The following HORMAD2 variants were observed in gnomAD, a reference collection of about 807,000 sequenced individuals.
HORMAD2 encodes the protein HORMA domain containing 2, also known as HORMA domain-containing protein 2.
HORMAD2 carries 45 observed loss-of-function variants against 38.8 expected under a neutral mutation model. The observed-to-expected ratio is 1.16, with a 90% CI of 0.91 to 1.49. HORMAD2 has a LOEUF of 1.49. Among genes scored for constraint, HORMAD2 ranks in the 40% most tolerant of loss-of-function variants. The pLI, the probability that HORMAD2 is intolerant of heterozygous loss-of-function variation, is 0.00. For synonymous variants in HORMAD2, 126 were observed against 122.8 expected (o/e 1.03, Z -0.17); for missense variants, 338 against 367.0 (o/e 0.92, Z 0.65).
chr22:30,207,017 C>T, the HORMAD2 span: 3 of 468,368 alleles, frequency 6.4e-6, no homozygotes, highest in African/African-American at 4.0e-5. Context: ...CCAGCAGCCT[C>T]CACCCGTCCC....
At chr22:30,092,343 TG>T (rs954850623) in intron 1 of HORMAD2, among the ~76,000 whole-genome samples, 2 of 137,970 alleles carry the variant, frequency 1.4e-5, no homozygotes, top group African/African-American at 5.6e-5. Flanking sequence ...TCAGATCCTT[TG>T]CTTTTTTTTT....
chr22:30,176,040 C>T, intron 10 of HORMAD2, 23 bp from the exon 11 acceptor site: 2 of 1,486,654 alleles, frequency 1.3e-6, no homozygotes, highest in Non-Finnish European at 1.9e-6. Context: ...CTGAATTGTG[C>T]CTCTCTCTGG....
chr22:30,177,680 G>A (rs1285203227), downstream of HORMAD2, among the ~76,000 whole-genome samples: 1 of 143,660 alleles, frequency 7.0e-6, no homozygotes, highest in Non-Finnish European at 1.5e-5. Flanking sequence ...GAGCAAATCA[G>A]TAAAGGCTAT....
chr22:30,107,938 G>A (rs1195230421), intron 5 of HORMAD2, among the ~76,000 whole-genome samples: 2 of 146,626 alleles, frequency 1.4e-5, no homozygotes, highest in African/African-American at 2.5e-5. Context: ...GTGTGATCTC[G>A]GCTCACTGCA....
At chr22:30,088,224 TACATATATACAC>T (rs1283208344) in intron 1 of HORMAD2, among the ~76,000 whole-genome samples, 52 of 150,278 alleles carry the variant, frequency 3.5e-4, no homozygotes, top group Non-Finnish European at 8.9e-5. Context: ...TACACATATA[TACATATATACAC>T]ACATATATAC....
the HORMAD2 span, among the ~76,000 whole-genome samples, chr22:30,202,514 T>A: frequency 1.3e-5 from 2 of 151,814 alleles, no homozygotes; most frequent in Non-Finnish European, 2.9e-5. Context: ...AGTCAGCTCC[T>A]TCACACCATC....
At chr22:30,163,574 G>A (rs1335621087) in intron 10 of HORMAD2, among the ~76,000 whole-genome samples, 1 of 151,814 alleles carries the variant, frequency 6.6e-6, no homozygotes, top group South Asian at 2.1e-4. Context: ...TTACAGGCAT[G>A]TACCACCACG....
At chr22:30,122,593 G>A (rs35527483) in intron 10 of HORMAD2, among the ~76,000 whole-genome samples, 1 of 152,124 alleles carries the variant, frequency 6.6e-6, no homozygotes, top group East Asian at 1.9e-4. Context: ...GAGATAATTG[G>A]ATGGGAGGAG....
chr22:30,140,532 G>C (rs1022648724), intron 10 of HORMAD2, among the ~76,000 whole-genome samples: 2 of 152,008 alleles, frequency 1.3e-5, no homozygotes, highest in South Asian at 4.1e-4. Flanking sequence ...TGTAATTTAG[G>C]CAATTTCCAT....
intron 5 of HORMAD2, among the ~76,000 whole-genome samples, chr22:30,111,188 AAAAG>A (rs1297722494): frequency 6.6e-6 from 1 of 151,240 alleles, no homozygotes; most frequent in Non-Finnish European, 1.5e-5. Flanking sequence ...GAAAGAAAGA[AAAAG>A]AAAATACTAC....
chr22:30,144,405 C>G (rs1399950679), intron 10 of HORMAD2, among the ~76,000 whole-genome samples: 1 of 152,206 alleles, frequency 6.6e-6, no homozygotes, highest in Non-Finnish European at 1.5e-5. Flanking sequence ...CTTCCAATTG[C>G]CTTTTGATAC....
intron 1 of HORMAD2, among the ~76,000 whole-genome samples, chr22:30,088,576 T>A (rs2068627284): frequency 6.6e-6 from 1 of 151,670 alleles, no homozygotes; most frequent in South Asian, 2.1e-4. Context: ...CATAGAGAAA[T>A]TTTTAAAACC....
intron 10 of HORMAD2, among the ~76,000 whole-genome samples, chr22:30,127,442 C>A (rs5753019): frequency 6.6e-6 from 1 of 151,934 alleles, no homozygotes; most frequent in African/African-American, 2.4e-5. Context: ...CTCCTGACTT[C>A]GTGATCCGCC....
chr22:30,107,379 T>C (rs1429618592), intron 5 of HORMAD2, among the ~76,000 whole-genome samples: 1 of 152,216 alleles, frequency 6.6e-6, no homozygotes, highest in Non-Finnish European at 1.5e-5. Flanking sequence ...AAGTAAATAG[T>C]ATTTATATTG....
intron 10 of HORMAD2, among the ~76,000 whole-genome samples, chr22:30,146,668 T>C (rs1363303924): frequency 1.3e-5 from 2 of 152,068 alleles, no homozygotes; most frequent in Non-Finnish European, 2.9e-5. Flanking sequence ...CCACTTATAG[T>C]CAACATCATA....
intron 7 of HORMAD2, among the ~76,000 whole-genome samples, chr22:30,113,202 T>C (rs1249546285): frequency 6.6e-6 from 1 of 152,094 alleles, no homozygotes; most frequent in Non-Finnish European, 1.5e-5. Context: ...TTGATTCATA[T>C]TGATTACTTA....
At chr22:30,193,045 C>A in the HORMAD2 span, among the ~76,000 whole-genome samples, 1 of 152,122 alleles carries the variant, frequency 6.6e-6, no homozygotes, top group Non-Finnish European at 1.5e-5. Context: ...CAAAAAAGAT[C>A]TTTTGGGGCT....
At chr22:30,121,063 G>A (rs762712241) in intron 8 of HORMAD2, among the ~76,000 whole-genome samples, 2 of 152,150 alleles carry the variant, frequency 1.3e-5, no homozygotes, top group Admixed American at 1.3e-4. Context: ...TTATTTCAGC[G>A]GTGATATGGA....
At chr22:30,129,856 C>T (rs919086234) in intron 10 of HORMAD2, among the ~76,000 whole-genome samples, 1 of 152,002 alleles carries the variant, frequency 6.6e-6, no homozygotes, top group African/African-American at 2.4e-5. Flanking sequence ...TGGCAGTGAT[C>T]ATGGCAGAGG....
Sources: gnomAD v4.1 joint callset for allele counts (sites outside exome capture counted in the v4.1 genomes callset) on GRCh38, gnomAD v4.1.1 for gene constraint, MANE v1.5 for transcripts, NCBI Gene and HGNC (gene_info 2026-07-23, HGNC 2026-07-21) for gene names.